Variants in BRINP3 observed in about 807,000 individuals in gnomAD.
BRINP3 encodes BMP/retinoic acid inducible neural specific 3.
In BRINP3, 19 loss-of-function variants were observed where a neutral mutation model predicts 71.0. That is an observed-to-expected ratio of 0.27 (90% CI 0.19 to 0.39). The LOEUF is 0.39. BRINP3 is among the 10% of genes least tolerant of loss of function. The pLI, the probability that BRINP3 is intolerant of heterozygous loss-of-function variation, is 1.00. For missense variants in BRINP3, 959 were observed against 940.8 expected (o/e 1.02, Z -0.25); for synonymous variants, 380 against 337.7 (o/e 1.13, Z -1.37).
intron 2 of BRINP3, among the ~76,000 whole-genome samples, chr1:190,403,356 A>G (rs1366086502): frequency 6.6e-6 from 1 of 152,222 alleles, no homozygotes; most frequent in Non-Finnish European, 1.5e-5. Context: ...CTACTGGGTG[A>G]ATCACTTGAA....
At chr1:190,475,598 TCTC>T (rs983850089) in intron 1 of BRINP3, among the ~76,000 whole-genome samples, 3 of 152,078 alleles carry the variant, frequency 2.0e-5, no homozygotes, top group African/African-American at 7.2e-5. Context: ...GGCACCTTGC[TCTC>T]CTCCGTTCCC....
intron 7 of BRINP3, among the ~76,000 whole-genome samples, chr1:190,137,405 T>C (rs1655063881): frequency 6.7e-6 from 1 of 150,102 alleles, no homozygotes; most frequent in African/African-American, 2.5e-5. Flanking sequence ...AAATATTCTC[T>C]CGGGTGAGAA....
intron 1 of BRINP3, among the ~76,000 whole-genome samples, chr1:190,458,346 A>T (rs563271668): frequency 6.6e-6 from 1 of 152,252 alleles, no homozygotes; most frequent in Non-Finnish European, 1.5e-5. Context: ...ATAAAGTTAT[A>T]CTGAAATAGT....
intron 7 of BRINP3, among the ~76,000 whole-genome samples, chr1:190,105,503 T>C (rs1652073873): frequency 6.6e-6 from 1 of 152,094 alleles, no homozygotes; most frequent in Non-Finnish European, 1.5e-5. Flanking sequence ...TTCACAACTC[T>C]CACTACTCCC....
chr1:190,295,066 T>G (rs531871692), intron 2 of BRINP3, among the ~76,000 whole-genome samples: 1 of 152,106 alleles, frequency 6.6e-6, no homozygotes, highest in Non-Finnish European at 1.5e-5. Flanking sequence ...AGGTACTGAA[T>G]TGCACCCAAA....
At chr1:190,174,960 T>C (rs1376838174) in intron 6 of BRINP3, among the ~76,000 whole-genome samples, 2 of 152,122 alleles carry the variant, frequency 1.3e-5, no homozygotes, top group African/African-American at 4.8e-5. Context: ...TGAGCTTCTC[T>C]GACCATAGCT....
At chr1:190,443,319 G>A (rs1232095281) in intron 2 of BRINP3, among the ~76,000 whole-genome samples, 2 of 151,318 alleles carry the variant, frequency 1.3e-5, no homozygotes, top group Non-Finnish European at 3.0e-5. Context: ...GCAGGAGAAT[G>A]GCGTGAACCA....
At position 190,392,142 on chromosome 1, in the gene BRINP3, T is replaced by C. The variant is rs547453637; in HGVS notation, c.236+62513A>G. Among the ~76,000 whole-genome samples the C allele has an allele frequency of 4.6e-5, 7 of 151,782 alleles. No homozygotes were observed. In the East Asian group the frequency reaches 1.2e-3, roughly 25 times the overall value. ...TGTGTGTCTGATGATTAATACTCCC[T>C]TTAAAAATAGGCTTTAAAATTATGT... is the stretch of plus-strand genomic sequence containing the variant. On this transcript the variant is annotated intron_variant, in intron 2 of 7. Transcript: ENST00000367462.
chr1:190,295,701 C>T (rs937326958), intron 2 of BRINP3, among the ~76,000 whole-genome samples: 1 of 152,024 alleles, frequency 6.6e-6, no homozygotes, highest in African/African-American at 2.4e-5. Context: ...AGGGCCCTGC[C>T]CTGTGTTGTA....
intron 6 of BRINP3, among the ~76,000 whole-genome samples, chr1:190,187,254 G>C (rs888376809): frequency 6.6e-6 from 1 of 152,012 alleles, no homozygotes; most frequent in African/African-American, 2.4e-5. Context: ...AGTTGTTTGA[G>C]TTACTGTTAT....
chr1:190,251,850 A>C (rs1166753742), intron 4 of BRINP3, among the ~76,000 whole-genome samples: 10 of 151,646 alleles, frequency 6.6e-5, no homozygotes, highest in African/African-American at 2.2e-4. Context: ...ATGCTCATAC[A>C]TTTCAAAACC....
intron 6 of BRINP3, among the ~76,000 whole-genome samples, chr1:190,176,974 C>G (rs1476516233): frequency 1.3e-5 from 2 of 152,116 alleles, no homozygotes; most frequent in African/African-American, 4.8e-5. Context: ...TTCTTAACCT[C>G]TTTCTATGGA....
At chr1:190,194,022 A>T (rs1045884662) in intron 6 of BRINP3, among the ~76,000 whole-genome samples, 1 of 152,080 alleles carries the variant, frequency 6.6e-6, no homozygotes, top group African/African-American at 2.4e-5. Flanking sequence ...TCCCTATTGC[A>T]ATAGTCTTAA....
intron 4 of BRINP3, among the ~76,000 whole-genome samples, chr1:190,254,579 C>T (rs981631989): frequency 6.6e-6 from 1 of 151,698 alleles, no homozygotes; most frequent in Non-Finnish European, 1.5e-5. Flanking sequence ...CTGTTTGTCT[C>T]TTATTGGTGT....
At chr1:190,420,532 CA>C (rs1673307589) in intron 2 of BRINP3, among the ~76,000 whole-genome samples, 1 of 151,874 alleles carries the variant, frequency 6.6e-6, no homozygotes, top group African/African-American at 2.4e-5. Context: ...TCACATTTCA[CA>C]AAAAATGTCC....
At chr1:190,162,081 C>G (rs376638971) in intron 6 of BRINP3, among the ~76,000 whole-genome samples, 1 of 151,866 alleles carries the variant, frequency 6.6e-6, no homozygotes, top group South Asian at 2.1e-4. Context: ...GAAAACTAAG[C>G]AAGGTAACAG....
At chr1:190,241,566 G>T (rs554695905) in intron 4 of BRINP3, among the ~76,000 whole-genome samples, 13 of 152,062 alleles carry the variant, frequency 8.5e-5, no homozygotes, top group African/African-American at 2.9e-4. Flanking sequence ...AGTATATTGG[G>T]TCATTCATGA....
intron 2 of BRINP3, among the ~76,000 whole-genome samples, chr1:190,364,259 A>G (rs192915030): frequency 2.6e-4 from 39 of 152,158 alleles, no homozygotes; most frequent in African/African-American, 7.0e-4. Flanking sequence ...TTTTCCAGAG[A>G]TATCTCTAGT....
At chr1:190,309,536 T>G (rs985820173) in intron 2 of BRINP3, among the ~76,000 whole-genome samples, 1 of 151,860 alleles carries the variant, frequency 6.6e-6, no homozygotes, top group African/African-American at 2.4e-5. Context: ...TGTGATTAAC[T>G]TTCTATAGTT....
Sources: allele counts gnomAD v4.1 joint callset (sites outside exome capture counted in the v4.1 genomes callset), GRCh38; gene constraint gnomAD v4.1.1; transcripts MANE v1.5; gene names NCBI Gene and HGNC (gene_info 2026-07-23, HGNC 2026-07-21).